MTSS2: variants seen among roughly 807,000 people sequenced by gnomAD.
MTSS2 encodes MTSS I-BAR domain containing 2.
In MTSS2, 27 loss-of-function variants were observed where a neutral mutation model predicts 67.1. The ratio of observed to expected loss-of-function variants is 0.40; its 90% CI spans 0.30 to 0.55. The LOEUF (loss-of-function observed/expected upper bound fraction) is 0.55. Among genes scored for constraint, MTSS2 ranks in the 20% least tolerant of loss-of-function variants. The pLI, the probability that MTSS2 is intolerant of heterozygous loss-of-function variation, is 0.43. For synonymous variants in MTSS2, 624 were observed against 468.6 expected, an observed-to-expected ratio of 1.33 and a Z score of -4.28; for missense variants, 1,171 against 1,067.8, an observed-to-expected ratio of 1.10 and a Z score of -1.35.
intron 11 of MTSS2, among the ~76,000 whole-genome samples, chr16:70,666,037 G>A (rs1411112277): frequency 6.6e-6 from 1 of 152,238 alleles, no homozygotes; most frequent in East Asian, 1.9e-4. Context: ...GGAGAAGTTG[G>A]GGTTGGAGCC....
chr16:70,661,407 C>A lies in MTSS2; in HGVS notation c.*2270G>T. 1 of 356,360 alleles carries A rather than the reference C, an allele frequency of 2.8e-6. No homozygotes were observed. The highest frequency in any genetic ancestry group is 5.6e-6 in the Non-Finnish European group (1 of 179,950). 22.1% of individuals were successfully genotyped at this position (356,360 alleles called of 1,614,324 possible). A position where few individuals can be genotyped will look rare whatever the true frequency, so the allele number is the denominator to read the frequency against. ...GGGAGGGGGGGAGGGTGAGTAGGAA[C>A]CAGGAGGGCTGCCTGGGGTGGGGGA... On this transcript the variant is annotated 3_prime_UTR_variant, in exon 15 of 15. Transcript: ENST00000338779.
intron 11 of MTSS2, 69 bp downstream of exon 11, chr16:70,674,237 G>A: frequency 1.4e-6 from 2 of 1,440,296 alleles, no homozygotes; most frequent in South Asian, 2.5e-5. Context: ...AGTCCCGCAT[G>A]TGGCTTGCCT....
In MTSS2 at chr16:70,661,303, G is replaced by C; in HGVS notation, c.*2374C>G. The C allele has an allele frequency of 4.4e-6, 2 of 455,300 alleles. No individual in the cohort carries two copies. The highest frequency in any genetic ancestry group is 8.8e-6 in the Non-Finnish European group (2 of 226,638). The allele number at this position is 455,300 out of a possible 1,614,324, so 28.2% of individuals were successfully genotyped here. A position where few individuals can be genotyped will look rare whatever the true frequency, so the allele number is the denominator to read the frequency against. ...TAAATCGGGGAGGATGGTGTGGAGG[G>C]GGCGGGGAGGAGAGGAGAATTTTTC... On this transcript the variant is annotated 3_prime_UTR_variant, in exon 15 of 15. Transcript: ENST00000338779.
Position 70,685,703 on chromosome 16 carries a change from C to T in MTSS2, c.69+20G>A. Reference sequence around the variant, plus strand: ...CCCGCACCCGTCGCCGCGCGCCCGGCCCCGCCGCGCCCCGGTTACCTTCAT... The same window carrying T: ...CCCGCACCCGTCGCCGCGCGCCCGGTCCCGCCGCGCCCCGGTTACCTTCAT... On this transcript the variant is annotated intron_variant, in intron 1 of 14. Coordinates refer to ENST00000338779, the MANE Select transcript of MTSS2 (RefSeq NM_138383.3). 2 of 1,299,462 alleles carry T rather than the reference C, an allele frequency of 1.5e-6. No individual in the cohort carries two copies. Among genetic ancestry groups the T allele is most frequent in the South Asian group, 1.7e-5 (1 of 57,926 alleles). The allele number at this position is 1,299,462 out of a possible 1,614,324, so 80.5% of individuals were successfully genotyped here. A position where few individuals can be genotyped will look rare whatever the true frequency, so the allele number is the denominator to read the frequency against.
chr16:70,674,468 T>C lies in MTSS2; in HGVS notation c.891A>G (p.Gln297=), dbSNP rs374576681. The change falls in exon 11 of 15, where the codon CAA becomes CAG. Residue 297 remains glutamine, a synonymous_variant. Transcript: ENST00000338779. ...GGGAPWPGGA[Q]TYSPSSTCRY... Reference sequence around the variant, plus strand: ...GACAGGTGGAACTGGGTGAGTATGTTTGGGCACCCCCAGGCCATGGGGCTC... The same window carrying C: ...GACAGGTGGAACTGGGTGAGTATGTCTGGGCACCCCCAGGCCATGGGGCTC... 4.6e-5 allele frequency: 75 copies of C among 1,613,918 alleles called. No individual in the cohort carries two copies. The African/African-American group carries it at 9.1e-4, about 20-fold the overall frequency.
At chr16:70,668,037 T>C (rs1282042949) in intron 11 of MTSS2, among the ~76,000 whole-genome samples, 1 of 146,384 alleles carries the variant, frequency 6.8e-6, no homozygotes, top group African/African-American at 2.5e-5. Context: ...TACATGGAAA[T>C]GGAAAGGGCC....
In MTSS2 at chr16:70,663,838, A is replaced by C; in HGVS notation, c.2083T>G (p.Phe695Val). The change falls in exon 15 of 15, where the codon TTC (phenylalanine) becomes GTC (valine). Residue 695 changes from phenylalanine to valine, a missense_variant. Physicochemically the swap from Phe to Val is conservative, Grantham distance 50. Coordinates refer to ENST00000338779, the MANE Select transcript of MTSS2 (RefSeq NM_138383.3). ...GGGGTGGCCGACAGAGCAGTGGGGA[A>C]GGGGAACTGGCCCTCACCCAGTGCG... ...AHALGEGQFP[F>V]PTALSATPTE... The C allele has an allele frequency of 6.5e-7, 1 of 1,532,190 alleles. No homozygotes were observed. The highest frequency in any genetic ancestry group is 8.8e-7 in the Non-Finnish European group (1 of 1,141,304). 94.9% of individuals were successfully genotyped at this position (1,532,190 alleles called of 1,614,324 possible). A position where few individuals can be genotyped will look rare whatever the true frequency, so the allele number is the denominator to read the frequency against.
Position 70,681,006 on chromosome 16 carries a change from T to A in MTSS2, c.89A>T (p.Glu30Val). The change falls in exon 2 of 15, where the codon GAG becomes GTG. Residue 30 changes from glutamate (E) to valine (V), a missense_variant. Glu to Val is a moderately radical substitution (Grantham distance 121, BLOSUM62 -2). Around this residue, in one of 2 missense-constraint regions of MTSS2, gnomAD observed 247 missense variants for 311.8 expected, o/e 0.79. Transcript: ENST00000338779. ...CTTCGTGGCCTTGGAGTTGAAGTCCTCCCAGATAGGGTAGGAGCTCTGCCG... is the reference window on the plus strand; with the variant it reads ...CTTCGTGGCCTTGGAGTTGAAGTCCACCCAGATAGGGTAGGAGCTCTGCCG... ...NDMKSSYPIW[E>V]DFNSKATKLH... 1 of 1,610,100 alleles carries A rather than the reference T, an allele frequency of 6.2e-7. No homozygotes were observed. Among genetic ancestry groups the A allele is most frequent in the Non-Finnish European group, 8.5e-7 (1 of 1,178,666 alleles).
chr16:70,664,262 C>T lies in MTSS2; in HGVS notation c.1659G>A (p.Leu553=). 1 of 1,559,828 alleles carries T rather than the reference C, an allele frequency of 6.4e-7. No individual in the cohort carries two copies. Among genetic ancestry groups the T allele is most frequent in the Non-Finnish European group, 8.6e-7 (1 of 1,159,808 alleles). ...PTAGLPTATG[L]PSGAPPGVAT... is the part of the protein sequence containing the mutation. ...CCACGCCGGGGGGTGCGCCCGAGGGCAGGCCAGTGGCCGTGGGCAGCCCCG... is the reference window on the plus strand; with the variant it reads ...CCACGCCGGGGGGTGCGCCCGAGGGTAGGCCAGTGGCCGTGGGCAGCCCCG... The change falls in exon 15 of 15, where the codon CTG becomes CTA. Residue 553 remains leucine, a synonymous_variant. Transcript: ENST00000338779.
chr16:70,685,859 G>C lies in MTSS2; in HGVS notation c.-68C>G. 1 of 944,150 alleles carries C rather than the reference G, an allele frequency of 1.1e-6. No homozygotes were observed. Among genetic ancestry groups the C allele is most frequent in the Non-Finnish European group, 1.3e-6 (1 of 777,794 alleles). 58.5% of individuals were successfully genotyped at this position (944,150 alleles called of 1,614,324 possible). On this transcript the variant is annotated 5_prime_UTR_variant, in exon 1 of 15. Coordinates refer to ENST00000338779, the MANE Select transcript of MTSS2 (RefSeq NM_138383.3). ...GCGCGGGGAGCAGCGCAAGGGAGGG[G>C]GCCAGGCCGCGCGGGCGCTCGCTCC... is the stretch of plus-strand genomic sequence containing the variant.
At chr16:70,665,657 C>T (rs552684509) in intron 11 of MTSS2, 117 bp from the exon 12 acceptor site, 70 of 850,228 alleles carry the variant, frequency 8.2e-5, no homozygotes, top group East Asian at 1.1e-4. Flanking sequence ...TTCAATTCAG[C>T]GCCTTGCCCA....
intron 11 of MTSS2, among the ~76,000 whole-genome samples, chr16:70,667,612 C>T (rs1321646864): frequency 6.6e-6 from 1 of 152,194 alleles, no homozygotes; most frequent in Non-Finnish European, 1.5e-5. Flanking sequence ...GTGGCTCACA[C>T]CTATACTCCC....
rs760777118 is a variant in MTSS2, at chr16:70,663,692, C to T, written c.2229G>A (p.Ala743=). ...GGTGGCGCCATCATAAGATGCGGGG[C>T]GCCGACCTGTCGTTGGTGACGGTCC... The part of the protein sequence containing the change: ...LRRTVTNDRS[A]PRIL Residue 743 remains alanine, a synonymous_variant, in exon 15 of 15, where the codon GCG becomes GCA. Transcript: ENST00000338779. The T allele has an allele frequency of 1.0e-5, 16 of 1,586,280 alleles. No homozygotes were observed. Among genetic ancestry groups the T allele is most frequent in the South Asian group, 3.4e-5 (3 of 87,376 alleles).
chr16:70,668,201 G>A (rs778188852), intron 11 of MTSS2, among the ~76,000 whole-genome samples: 25 of 151,614 alleles, frequency 1.6e-4, no homozygotes, highest in Non-Finnish European at 3.2e-4. Flanking sequence ...TTGCTTGAGA[G>A]TAGGAGTTTG....
Position 70,685,916 on chromosome 16 carries a change from G to T in MTSS2, c.-125C>A, listed in dbSNP as rs928503816. ...GGGCCGGGCCTCCCGCCTCCAGGCT[G>T]CGCTCAGCGGCCGGCCGCGCCGCGC... is the stretch of plus-strand genomic sequence containing the variant. On this transcript the variant is annotated 5_prime_UTR_variant, in exon 1 of 15. Transcript: ENST00000338779. 6.2e-6 allele frequency: 2 copies of T among 320,480 alleles called. No individual in the cohort carries two copies. Among genetic ancestry groups the T allele is most frequent in the East Asian group, 1.7e-4 (1 of 5,764 alleles). The allele number at this position is 320,480 out of a possible 1,614,324, so 19.9% of individuals were successfully genotyped here.
chr16:70,679,537 G>T, intron 6 of MTSS2, 93 bp downstream of exon 6: 1 of 1,399,048 alleles, frequency 7.1e-7, no homozygotes, highest in Non-Finnish European at 9.7e-7. Context: ...GCGCCCCTCT[G>T]GCTGGGATGA....
Position 70,664,950 on chromosome 16 carries a change from G to A in MTSS2, c.1275C>T (p.Pro425=), listed in dbSNP as rs776853616. ...LGPSGEEAPR[P]RMSPATIAAK... ...CTGCGATGGTGGCAGGGGACATCCG[G>A]GGTCGCGGTGCCTCTTCCCCGCTGG... Residue 425 remains proline (P), a synonymous_variant, in exon 13 of 15, where the codon CCC becomes CCT. Coordinates refer to ENST00000338779, the MANE Select transcript of MTSS2 (RefSeq NM_138383.3). 2 of 1,563,892 alleles carry A rather than the reference G, an allele frequency of 1.3e-6. No individual in the cohort carries two copies. Among genetic ancestry groups the A allele is most frequent in the African/African-American group, 1.3e-5 (1 of 74,494 alleles).
intron 11 of MTSS2, among the ~76,000 whole-genome samples, chr16:70,672,290 T>C (rs2052962977): frequency 7.3e-6 from 1 of 136,212 alleles, no homozygotes; most frequent in African/African-American, 2.8e-5. Context: ...GAGGTTGCAG[T>C]GAGCCGAGAT....
In MTSS2 at chr16:70,685,855, A is replaced by AG; in HGVS notation, c.-65dup. 1 of 995,576 alleles carries AG rather than the reference A, an allele frequency of 1.0e-6. No individual in the cohort carries two copies. The highest frequency in any genetic ancestry group is 1.2e-6 in the Non-Finnish European group (1 of 817,010). The allele number at this position is 995,576 out of a possible 1,614,324, so 61.7% of individuals were successfully genotyped here. A position where few individuals can be genotyped will look rare whatever the true frequency, so the allele number is the denominator to read the frequency against. On this transcript the variant is annotated 5_prime_UTR_variant, in exon 1 of 15. Coordinates refer to ENST00000338779, the MANE Select transcript of MTSS2 (RefSeq NM_138383.3). Reference sequence around the variant, plus strand: ...CGGAGCGCGGGGAGCAGCGCAAGGGAGGGGGCCAGGCCGCGCGGGCGCTCG... The same window carrying AG: ...CGGAGCGCGGGGAGCAGCGCAAGGGAGGGGGGCCAGGCCGCGCGGGCGCTCG...
Sources: gnomAD v4.1 joint callset for allele counts (sites outside exome capture counted in the v4.1 genomes callset) on GRCh38, gnomAD v4.1.1 for gene constraint, gnomAD v4.1.1 regional missense constraint, MANE v1.5 for transcripts, NCBI Gene and HGNC (gene_info 2026-07-23, HGNC 2026-07-21) for gene names.